The following MYH16 variants were observed in gnomAD, a reference collection of about 807,000 sequenced individuals.
The protein encoded by MYH16 is putative uncharacterized protein MYH16.
chr7:99,295,363 C>T (rs762170734), intron 33 of MYH16, among the ~76,000 whole-genome samples: 11 of 150,612 alleles, frequency 7.3e-5, no homozygotes, highest in South Asian at 4.2e-4. Context: ...GGTGACAGAG[C>T]GAGACTCTGG....
At chr7:99,277,566 C>G (rs769030728) in exon 21 of MYH16, 1 of 456,490 alleles carries the variant, frequency 2.2e-6, no homozygotes, top group East Asian at 7.0e-5. Context: ...TGTGGCTCGG[C>G]AAGAAGAGGA....
At chr7:99,253,485 C>G (rs966976526) in intron 7 of MYH16, 1 of 152,154 alleles carries the variant, frequency 6.6e-6, no homozygotes, top group Non-Finnish European at 1.5e-5. Context: ...AGAGGAGCAT[C>G]AAGCCAAGTG....
At chr7:99,293,547 C>T (rs908408810) in intron 32 of MYH16, among the ~76,000 whole-genome samples, 3 of 152,194 alleles carry the variant, frequency 2.0e-5, no homozygotes, top group African/African-American at 7.2e-5. Context: ...CCTCAGGGCC[C>T]CTCCATTCCC....
chr7:99,274,024 C>T (rs1160696413), intron 20 of MYH16, among the ~76,000 whole-genome samples: 1 of 152,216 alleles, frequency 6.6e-6, no homozygotes, highest in East Asian at 1.9e-4. Flanking sequence ...AAAAAGTGAG[C>T]TTGATTATTG....
At chr7:99,307,984 G>A (rs1792705100), downstream of MYH16, among the ~76,000 whole-genome samples, 1 of 152,016 alleles carries the variant, frequency 6.6e-6, no homozygotes. Context: ...AAAGTGCTGG[G>A]ATTACAGGCA....
chr7:99,251,872 C>T (rs1390680813), intron 6 of MYH16, among the ~76,000 whole-genome samples: 2 of 152,056 alleles, frequency 1.3e-5, no homozygotes, highest in African/African-American at 4.8e-5. Context: ...ACTTAGGAGG[C>T]TAAGGTGGGA....
At chr7:99,270,323 ATTT>A (rs1181065806) in intron 18 of MYH16, among the ~76,000 whole-genome samples, 1 of 136,236 alleles carries the variant, frequency 7.3e-6, no homozygotes, top group African/African-American at 2.6e-5. Context: ...AGAAAAAAAA[ATTT>A]TTTTTTTTTT....
chr7:99,278,320 GGATGGTGGCCACGA>G (rs1426355417), intron 21 of MYH16, among the ~76,000 whole-genome samples: 5 of 152,170 alleles, frequency 3.3e-5, no homozygotes, highest in Admixed American at 2.6e-4. Context: ...GAAAGTCCAG[GGATGGTGGCCACGA>G]GATGGGGTGA....
Position 99,261,507 on chromosome 7 carries a change from C to T in MYH16, n.1629C>T, listed in dbSNP as rs114518387. ...AACAGTGCGTCTTCCCCAAAGCCAC[C>T]GATGCCACGTTCAAGGCAGCCCTGT... On this transcript the variant is annotated non_coding_transcript_exon_variant, in exon 13 of 42. Transcript: ENST00000439784. 8.2e-3 allele frequency: 1,268 copies of T among 154,574 alleles called. 14 individuals are homozygous for T. Among genetic ancestry groups the T allele is most frequent in the African/African-American group, 0.029 (1,217 of 41,590 alleles). 9.6% of individuals were successfully genotyped at this position (154,574 alleles called of 1,614,324 possible).
chr7:99,279,841 C>A (rs990119556), intron 22 of MYH16, 104 bp downstream of exon 4: 1 of 366,922 alleles, frequency 2.7e-6, no homozygotes, highest in African/African-American at 2.1e-5. Context: ...CCACTGACCA[C>A]ATGGGGCAGT....
intron 28 of MYH16, chr7:99,286,573 G>A (rs1232443239): frequency 6.6e-6 from 1 of 152,318 alleles, no homozygotes; most frequent in Non-Finnish European, 1.5e-5. Context: ...TTGCATTTAG[G>A]GGAAAAAATT....
At position 99,272,832 on chromosome 7, in the gene MYH16, TC is replaced by T. The variant is rs1170529468; in HGVS notation, n.2404-507del. On this transcript the variant is annotated intron_variant and non_coding_transcript_variant, in intron 19 of 41. Transcript: ENST00000439784. ...CATAGAATTAGTAATGAATTCCTGTTCCCATCAGCAGGCCACCTGCAGCCCT... is the reference window on the plus strand; with the variant it reads ...CATAGAATTAGTAATGAATTCCTGTTCCATCAGCAGGCCACCTGCAGCCCT... Among the ~76,000 whole-genome samples the T allele has an allele frequency of 6.6e-6, 1 of 152,130 alleles. No homozygotes were observed. Among genetic ancestry groups the T allele is most frequent in the African/African-American group, 2.4e-5 (1 of 41,424 alleles).
intron 28 of MYH16, chr7:99,286,554 C>T (rs921032478): frequency 4.6e-5 from 7 of 152,526 alleles, no homozygotes; most frequent in African/African-American, 1.7e-4. Context: ...CAGAAACCCC[C>T]AGCTCTGCTT....
rs1330969576 is a variant in MYH16, at chr7:99,252,011, C to G, written n.730-802C>G. On this transcript the variant is annotated intron_variant and non_coding_transcript_variant, in intron 6 of 41. Transcript: ENST00000439784. ...AAAGCATCTAATCAGCAAACAGAACCCTCTTTAGTATTAATATTTAAGTCA... is the reference window on the plus strand; with the variant it reads ...AAAGCATCTAATCAGCAAACAGAACGCTCTTTAGTATTAATATTTAAGTCA... Among the ~76,000 whole-genome samples the G allele has an allele frequency of 2.0e-5, 3 of 152,164 alleles. No homozygotes were observed. In the East Asian group the frequency reaches 5.8e-4, roughly 29 times the overall value.
At position 99,304,762 on chromosome 7, in the gene MYH16, G is replaced by C. The variant is rs1792655199; in HGVS notation, n.5434+6G>C. On this transcript the variant is annotated splice_donor_region_variant and intron_variant and non_coding_transcript_variant, in intron 40 of 41. Transcript: ENST00000439784. ...TCATGAAGCTGGAGGCCAGGGTAAG[G>C]GCGATGCAGGGCTCAGCCAAGGGAG... 6.5e-6 allele frequency: 1 copy of C among 152,814 alleles called. No homozygotes were observed. The highest frequency in any genetic ancestry group is 2.4e-5 in the African/African-American group (1 of 41,458). 9.5% of individuals were successfully genotyped at this position (152,814 alleles called of 1,614,324 possible).
exon 12 of MYH16, chr7:99,260,327 T>A: frequency 7.5e-7 from 1 of 1,330,334 alleles, no homozygotes; most frequent in Non-Finnish European, 1.1e-6. Context: ...ATCGACCTGC[T>A]GGAAAAGGTG....
chr7:99,296,148 TAA>T (rs60180969), intron 33 of MYH16, among the ~76,000 whole-genome samples: 13 of 91,366 alleles, frequency 1.4e-4, no homozygotes, highest in Admixed American at 4.9e-4. Context: ...CATCTCAATT[TAA>T]AAAAAAAAAA....
rs190987611 is a variant in MYH16 at position 99,277,669 on chromosome 7, C to T, written n.2616C>T. On this transcript the variant is annotated non_coding_transcript_exon_variant, in exon 21 of 42. Transcript: ENST00000439784. Reference sequence around the variant, plus strand: ...AAGGAACTGGAGGAGAAGACAGCCACGCTCAGCCAGGAGAAGAATGACCTC... The same window carrying T: ...AAGGAACTGGAGGAGAAGACAGCCATGCTCAGCCAGGAGAAGAATGACCTC... 565 of 456,760 alleles carry T rather than the reference C, an allele frequency of 1.2e-3. 5 individuals are homozygous for T. The highest frequency in any genetic ancestry group is 1.4e-3 in the Non-Finnish European group (316 of 226,926). The allele number at this position is 456,760 out of a possible 1,614,324, so 28.3% of individuals were successfully genotyped here.
intron 15 of MYH16, among the ~76,000 whole-genome samples, chr7:99,264,677 C>T (rs1024977184): frequency 6.6e-6 from 1 of 152,154 alleles, no homozygotes; most frequent in Admixed American, 6.5e-5. Flanking sequence ...CAACACTTTT[C>T]AAGAATCAGG....
Sources: allele counts gnomAD v4.1 joint callset (sites outside exome capture counted in the v4.1 genomes callset), GRCh38; gene constraint gnomAD v4.1.1; transcripts MANE v1.5; gene names NCBI Gene and HGNC (gene_info 2026-07-23, HGNC 2026-07-21).